TET3: variants seen among roughly 807,000 people sequenced by gnomAD.
TET3 encodes tet methylcytosine dioxygenase 3, also known as methylcytosine dioxygenase TET3.
Under a neutral mutation model 141.4 loss-of-function variants are expected in TET3, and 19 were observed. The ratio of observed to expected loss-of-function variants is 0.13; its 90% CI spans 0.09 to 0.20. The LOEUF (loss-of-function observed/expected upper bound fraction) is 0.20. TET3 is among the 10% of genes least tolerant of loss of function. The pLI is 1.00. For missense variants in TET3, 1,874 were observed against 2,356.9 expected, an observed-to-expected ratio of 0.80 and a Z score of 4.24; for synonymous variants, 1,043 against 980.9, an observed-to-expected ratio of 1.06 and a Z score of -1.18.
chr2:74,124,592 C>T, the TET3 span, among the ~76,000 whole-genome samples: 1,536 of 152,346 alleles, frequency 0.01, 23 homozygotes, highest in African/African-American at 0.035. Context: ...AAAAATTCTT[C>T]TGCCTTGGGA....
At chr2:74,067,567 A>G (rs550159001) in intron 4 of TET3, among the ~76,000 whole-genome samples, 2 of 152,324 alleles carry the variant, frequency 1.3e-5, no homozygotes, top group East Asian at 3.9e-4. Context: ...CGTAACAATT[A>G]TGTTTTATAC....
chr2:74,057,844 A>T (rs1377750573), intron 4 of TET3, among the ~76,000 whole-genome samples: 1 of 152,254 alleles, frequency 6.6e-6, no homozygotes, highest in Non-Finnish European at 1.5e-5. Flanking sequence ...ATTCTGTAGG[A>T]AAAGTGGAGG....
upstream of TET3, among the ~76,000 whole-genome samples, chr2:73,984,821 C>CCGGCGGGGCT (rs924982801): frequency 3.0e-4 from 44 of 146,812 alleles, no homozygotes; most frequent in South Asian, 4.2e-4. This position sits in a 1 kb window ranked among gnomAD's most constrained non-coding sequence, Gnocchi z 5.6. Context: ...CCCGGCCGGG[C>CCGGCGGGGCT]CGGCGGGGCT....
At chr2:74,023,673 G>C (rs778880872) in intron 3 of TET3, among the ~76,000 whole-genome samples, 6 of 152,172 alleles carry the variant, frequency 3.9e-5, no homozygotes, top group Non-Finnish European at 7.3e-5. Flanking sequence ...GCTCCCAGTG[G>C]CTCTGGTGAT....
At chr2:74,032,373 A>C (rs1686740421) in intron 3 of TET3, among the ~76,000 whole-genome samples, 1 of 114,080 alleles carries the variant, frequency 8.8e-6, no homozygotes, top group African/African-American at 3.7e-5. Context: ...CTGGGAACTG[A>C]TGGGGGCTTT....
intron 2 of TET3, among the ~76,000 whole-genome samples, chr2:73,989,920 T>C (rs1684240045): frequency 6.6e-6 from 1 of 152,102 alleles, no homozygotes; most frequent in South Asian, 2.1e-4. Flanking sequence ...ATTTTCTCAA[T>C]TGTAAGATGG....
intron 5 of TET3, 131 bp downstream of exon 5, chr2:74,073,770 G>A (rs973632908): frequency 2.8e-6 from 2 of 718,714 alleles, no homozygotes; most frequent in African/African-American, 3.7e-5. Context: ...ACGGGCTTAG[G>A]GAAGGTTTAC....
chr2:73,985,301 C>G (rs1175606497), intron 1 of TET3, 144 bp downstream of exon 1: 2 of 82,374 alleles, frequency 2.4e-5, no homozygotes, highest in Admixed American at 2.9e-4. Context: ...GACTGGGGTG[C>G]TGCGGGGCGC....
chr2:74,053,250 C>T (rs575540496), intron 4 of TET3, among the ~76,000 whole-genome samples: 1 of 152,166 alleles, frequency 6.6e-6, no homozygotes, highest in African/African-American at 2.4e-5. Context: ...GAGTCCCCCC[C>T]CAACCATCCT....
At chr2:74,016,665 T>C (rs1685743671) in intron 3 of TET3, among the ~76,000 whole-genome samples, 1 of 152,024 alleles carries the variant, frequency 6.6e-6, no homozygotes, top group Non-Finnish European at 1.5e-5. Flanking sequence ...GAGGTTGCAG[T>C]GACCCAAGAT....
chr2:74,074,857 T>TTTTG (rs370378893), intron 5 of TET3, among the ~76,000 whole-genome samples: 10 of 150,032 alleles, frequency 6.7e-5, no homozygotes, highest in Admixed American at 1.3e-4. Context: ...CATTAGTGTT[T>TTTTG]TTTGTTTGTT....
rs1309800010 is a variant in TET3 at position 73,986,238 on chromosome 2, G to C, written c.-166G>C. The C allele has an allele frequency of 1.2e-5, 6 of 497,192 alleles. No homozygotes were observed. The highest frequency in any genetic ancestry group is 1.2e-4 in the African/African-American group (6 of 50,454). The allele number at this position is 497,192 out of a possible 1,614,324, so 30.8% of individuals were successfully genotyped here. On this transcript the variant is annotated 5_prime_UTR_variant, in exon 2 of 12. Coordinates refer to ENST00000409262, the MANE Select transcript of TET3 (RefSeq NM_001287491.2). Reference sequence around the variant, plus strand: ...ATCAGACTGCTGCAGAGGAGGTGAAGAGGGGTTGAGAAGAGGCATCCATCC... The same window carrying C: ...ATCAGACTGCTGCAGAGGAGGTGAACAGGGGTTGAGAAGAGGCATCCATCC...
intron 4 of TET3, among the ~76,000 whole-genome samples, chr2:74,061,754 CAGAGACG>C (rs1688597344): frequency 7.0e-6 from 1 of 143,542 alleles, no homozygotes; most frequent in African/African-American, 2.7e-5. Flanking sequence ...GGCGGCCGGG[CAGAGACG>C]CTCCTCACCT....
At position 73,985,085 on chromosome 2, in the gene TET3, C is replaced by CGGTGGT. The variant is rs997095127; in HGVS notation, c.-494_-489dup. ...CAGGCGGCGGCGGCGGCGGCCGCGACGGTGGTGGCGGCGGCGGCGCGGGCC... is the reference window on the plus strand; with the variant it reads ...CAGGCGGCGGCGGCGGCGGCCGCGACGGTGGTGGTGGTGGCGGCGGCGGCGCGGGCC... On this transcript the variant is annotated 5_prime_UTR_variant, in exon 1 of 12. Coordinates refer to ENST00000409262, the MANE Select transcript of TET3 (RefSeq NM_001287491.2). 6.9e-6 allele frequency: 1 copy of CGGTGGT among 144,870 alleles called. No individual in the cohort carries two copies. Among genetic ancestry groups the CGGTGGT allele is most frequent in the African/African-American group, 2.6e-5 (1 of 39,122 alleles). The allele number at this position is 144,870 out of a possible 1,614,324, so 9.0% of individuals were successfully genotyped here.
the TET3 span, among the ~76,000 whole-genome samples, chr2:74,126,227 A>G: frequency 2.0e-5 from 3 of 152,210 alleles, no homozygotes; most frequent in Admixed American, 2.0e-4. Context: ...ACTGATCTCT[A>G]CCAGATTGAC....
intron 6 of TET3, among the ~76,000 whole-genome samples, chr2:74,085,307 C>T (rs971078520): frequency 1.8e-4 from 27 of 152,292 alleles, no homozygotes; most frequent in African/African-American, 6.0e-4. Flanking sequence ...GCCTGGCCTC[C>T]CCCTGTTGAT....
At chr2:74,026,171 G>A (rs1199248826) in intron 3 of TET3, among the ~76,000 whole-genome samples, 1 of 151,586 alleles carries the variant, frequency 6.6e-6, no homozygotes, top group African/African-American at 2.4e-5. Flanking sequence ...TTCCCTGGCT[G>A]GTTTGGTGTT....
At chr2:74,002,856 C>G in intron 2 of TET3, 2 of 568,332 alleles carry the variant, frequency 3.5e-6, no homozygotes, top group East Asian at 5.9e-5. Flanking sequence ...GGGTCGCCGT[C>G]CTCTCGGATC....
At chr2:73,996,410 A>G (rs1337414749) in intron 2 of TET3, among the ~76,000 whole-genome samples, 6 of 152,154 alleles carry the variant, frequency 3.9e-5, no homozygotes, top group East Asian at 1.9e-4. Flanking sequence ...TGTGCAGGGC[A>G]TAGGCACTGC....
Sources: gnomAD v4.1 joint callset for allele counts (sites outside exome capture counted in the v4.1 genomes callset) on GRCh38, gnomAD v4.1.1 for gene constraint, Gnocchi (gnomAD v3.1) non-coding constraint, MANE v1.5 for transcripts, NCBI Gene and HGNC (gene_info 2026-07-23, HGNC 2026-07-21) for gene names.